Variants in NME6 observed in about 807,000 individuals in gnomAD.
NME6 encodes NME/NM23 nucleoside diphosphate kinase 6, also known as nucleoside diphosphate kinase 6, mitochondrial.
Under a neutral mutation model 22.2 loss-of-function variants are expected in NME6, and 16 were observed. The observed-to-expected ratio is 0.72, with a 90% confidence interval of 0.49 to 1.09. The LOEUF (loss-of-function observed/expected upper bound fraction) is 1.09. NME6 is among the 50% of genes least tolerant of loss of function. NME6 has a pLI of 0.00. For synonymous variants in NME6, 58 were observed against 85.2 expected, an observed-to-expected ratio of 0.68 and a Z score of 1.76; for missense variants, 229 against 239.0, an observed-to-expected ratio of 0.96 and a Z score of 0.28.
chr3:48,297,904 T>C (rs569861527), intron 2 of NME6: 74 of 164,920 alleles, frequency 4.5e-4, no homozygotes, highest in Non-Finnish European at 6.3e-4. Context: ...CTGAAAGGAG[T>C]TCCTGCCTGA....
At chr3:48,297,022 C>T (rs930438775) in intron 2 of NME6, among the ~76,000 whole-genome samples, 193 bp from the exon 3 acceptor site, 3 of 152,092 alleles carry the variant, frequency 2.0e-5, no homozygotes, top group East Asian at 1.9e-4. Context: ...GGATAGGATG[C>T]GCTGTCTCTG....
chr3:48,295,272 A>G (rs1371835888), intron 4 of NME6, 37 bp from the exon 5 acceptor site: 1 of 1,587,878 alleles, frequency 6.3e-7, no homozygotes, highest in Non-Finnish European at 8.6e-7. Flanking sequence ...GAACCTGGCC[A>G]TCTAGACTAG....
intron 4 of NME6, 80 bp downstream of exon 4, chr3:48,296,039 C>T: frequency 1.0e-6 from 1 of 978,224 alleles, no homozygotes; most frequent in Non-Finnish European, 1.7e-6. Flanking sequence ...TAAAGAATGG[C>T]AGTGAAATGA....
At chr3:48,298,576 C>T in intron 1 of NME6, 53 bp from the exon 2 acceptor site, 1 of 1,374,666 alleles carries the variant, frequency 7.3e-7, no homozygotes, top group Non-Finnish European at 9.9e-7. Context: ...TCCCAGCCTT[C>T]CCTACATTGG....
chr3:48,298,400 C>T lies in NME6; in HGVS notation c.90+27G>A, dbSNP rs145217729. The T allele has an allele frequency of 4.3e-5, 68 of 1,588,746 alleles. No individual in the cohort carries two copies. In the Middle Eastern group the frequency reaches 6.6e-4, roughly 16 times the overall value. On this transcript the variant is annotated intron_variant, in intron 2 of 5. Transcript: ENST00000442597. ...AAGCAGTAGCAATTCCCAGGGCATG[C>T]GGTAGAGACTTAGGATTCATTCTTA...
rs759861006 is a variant in NME6 at position 48,301,342 on chromosome 3, T to G, written c.-8+11A>C. ...AGCCCCAGTGCAGCAGAAGTCCGGC[T>G]GCGGGTTCACCTTGTCCTCCGGCAC... On this transcript the variant is annotated intron_variant, in intron 1 of 5. Coordinates refer to ENST00000442597, the MANE Select transcript of NME6 (RefSeq NM_001308426.2). 1 of 1,572,732 alleles carries G rather than the reference T, an allele frequency of 6.4e-7. No individual in the cohort carries two copies. Among genetic ancestry groups the G allele is most frequent in the Admixed American group, 1.9e-5 (1 of 54,044 alleles).
At chr3:48,301,088 C>T (rs1288586719) in intron 1 of NME6, among the ~76,000 whole-genome samples, 5 of 152,164 alleles carry the variant, frequency 3.3e-5, no homozygotes, top group Non-Finnish European at 2.9e-5. Flanking sequence ...ACTGCCACCC[C>T]AGCACTCGAG....
chr3:48,295,961 C>T, intron 4 of NME6, 158 bp downstream of exon 4: 1 of 656,364 alleles, frequency 1.5e-6, no homozygotes, highest in Non-Finnish European at 2.8e-6. Flanking sequence ...AAGTGATCCA[C>T]CCGCCTCAGC....
rs2034758071 is a variant in NME6, at chr3:48,293,857, G to A, written c.*780C>T. ...AGGAGATGAAGAAAAACACACAGAA[G>A]GAGAAAACCAAGGGTGTGGGATCAG... On this transcript the variant is annotated 3_prime_UTR_variant, in exon 6 of 6. Coordinates refer to ENST00000442597, the MANE Select transcript of NME6 (RefSeq NM_001308426.2). 1 of 152,220 alleles carries A rather than the reference G, an allele frequency of 6.6e-6. No homozygotes were observed. The highest frequency in any genetic ancestry group is 6.5e-5 in the Admixed American group (1 of 15,288). 9.4% of individuals were successfully genotyped at this position (152,220 alleles called of 1,614,324 possible). A position where few individuals can be genotyped will look rare whatever the true frequency, so the allele number is the denominator to read the frequency against.
chr3:48,290,951 G>A (rs1559991203), downstream of NME6: 1 of 274,906 alleles, frequency 3.6e-6, no homozygotes, highest in Non-Finnish European at 7.2e-6. Context: ...TCTGTGCTAA[G>A]CAGTCATCTG....
rs971495596 is a variant in NME6, at chr3:48,301,358, C to T, written c.-13G>A. 26 of 1,561,910 alleles carry T rather than the reference C, an allele frequency of 1.7e-5. No individual in the cohort carries two copies. The highest frequency in any genetic ancestry group is 3.8e-5 in the Admixed American group (2 of 52,412). Reference sequence around the variant, plus strand: ...AAGTCCGGCTGCGGGTTCACCTTGTCCTCCGGCACAGGGCCCGGCCACCAG... The same window carrying T: ...AAGTCCGGCTGCGGGTTCACCTTGTTCTCCGGCACAGGGCCCGGCCACCAG... On this transcript the variant is annotated 5_prime_UTR_variant, in exon 1 of 6. Transcript: ENST00000442597.
intron 2 of NME6, chr3:48,298,209 C>T (rs13084616): frequency 0.26 from 148,763 of 582,118 alleles, 21,365 homozygotes; most frequent in South Asian, 0.32. Context: ...TCTTGATATT[C>T]GGTTCTATTA....
In NME6 at chr3:48,295,588, C is replaced by G. The variant is rs973129372; in HGVS notation, c.234-353G>C. On this transcript the variant is annotated intron_variant, in intron 4 of 5. Transcript: ENST00000442597. ...ATGGAGTCTCACTCTGTTGCCCAGG[C>G]TAGAGTACAATGGTTCAATCTCGGC... 2.0e-4 allele frequency: 54 copies of G among 263,674 alleles called. 1 individual carries two copies. In the South Asian group the frequency reaches 3.6e-3, roughly 18 times the overall value. The allele number at this position is 263,674 out of a possible 1,614,324, so 16.3% of individuals were successfully genotyped here. A position where few individuals can be genotyped will look rare whatever the true frequency, so the allele number is the denominator to read the frequency against.
downstream of NME6, chr3:48,291,361 CT>C: frequency 2.1e-6 from 1 of 469,100 alleles, no homozygotes; most frequent in Non-Finnish European, 4.3e-6. Flanking sequence ...TCCTTGTTTT[CT>C]TTTGCTCTCA....
intron 1 of NME6, 85 bp downstream of exon 1, chr3:48,301,268 A>C: frequency 6.3e-7 from 1 of 1,592,892 alleles, no homozygotes; most frequent in Non-Finnish European, 8.5e-7. Flanking sequence ...CGCAGCCCTC[A>C]CCCCTCGTAC....
downstream of NME6, chr3:48,291,017 G>A: frequency 7.0e-6 from 2 of 286,018 alleles, no homozygotes; most frequent in South Asian, 7.9e-5. Context: ...TTGGATCCTT[G>A]GCAATCCTTT....
At position 48,294,800 on chromosome 3, in the gene NME6, G is replaced by A. The variant is rs1419989578; in HGVS notation, c.398C>T (p.Ser133Phe). 1 of 1,613,840 alleles carries A rather than the reference G, an allele frequency of 6.2e-7. No homozygotes were observed. The highest frequency in any genetic ancestry group is 2.2e-5 in the East Asian group (1 of 44,892). The change falls in exon 6 of 6, where the codon TCT becomes TTT. Residue 133 changes from serine to phenylalanine, a missense_variant. Coordinates refer to ENST00000442597, the MANE Select transcript of NME6 (RefSeq NM_001308426.2). ...DTRNTTHGSDSVVSASREIAA... is the reference protein window; with the variant it reads ...DTRNTTHGSDFVVSASREIAA... ...AATCTCTCTGCTGGCTGAAACCACA[G>A]AGTCTGTAAGGGGAGATAAGACAGA...
rs1220983542 is a variant in NME6, at chr3:48,298,433, A to C, written c.84T>G (p.Ile28Met). The change falls in exon 2 of 6, where the codon ATT becomes ATG. Residue 28 changes from isoleucine to methionine, a missense_variant. By Grantham distance (10) the Ile-to-Met change is conservative. Transcript: ENST00000442597. ...ACTTAGGATTCATTCTTACCTCCAG[A>C]ATCAGTGGATGGGCGACTGCGTCAG... ...IKPDAVAHPL[I>M]LEAVHQQILS... The C allele has an allele frequency of 6.2e-7, 1 of 1,614,012 alleles. No individual in the cohort carries two copies. The highest frequency in any genetic ancestry group is 8.5e-7 in the Non-Finnish European group (1 of 1,179,886).
At chr3:48,297,063 A>G (rs1354629589) in intron 2 of NME6, among the ~76,000 whole-genome samples, 1 of 152,158 alleles carries the variant, frequency 6.6e-6, no homozygotes, top group Non-Finnish European at 1.5e-5. Flanking sequence ...CTTGAGCTCA[A>G]GACCACAGGA....
Sources: gnomAD v4.1 joint callset for allele counts (sites outside exome capture counted in the v4.1 genomes callset) on GRCh38, gnomAD v4.1.1 for gene constraint, MANE v1.5 for transcripts, NCBI Gene and HGNC (gene_info 2026-07-23, HGNC 2026-07-21) for gene names.